ITGB5: variants seen among roughly 807,000 people sequenced by gnomAD.
ITGB5 encodes integrin beta-5.
In ITGB5, 38 loss-of-function variants were observed where a neutral mutation model predicts 84.8. That is an observed-to-expected ratio of 0.45 (90% CI 0.35 to 0.59). The LOEUF (loss-of-function observed/expected upper bound fraction) is 0.59, where lower values mean the gene tolerates loss of function less well. ITGB5 is among the 20% of genes least tolerant of loss of function. ITGB5 has a pLI of 0.01. For synonymous variants in ITGB5, 393 were observed against 414.4 expected (o/e 0.95, Z 0.63); for missense variants, 905 against 1,034.5 (o/e 0.87, Z 1.72).
chr3:124,773,607 T>G, intron 11 of ITGB5, 83 bp downstream of exon 11: 1 of 1,310,826 alleles, frequency 7.6e-7, no homozygotes, highest in Non-Finnish European at 1.1e-6. Context: ...GAGTGGAGGC[T>G]AGCCGGCCCT....
chr3:124,803,962 C>T (rs940873341), intron 9 of ITGB5, among the ~76,000 whole-genome samples: 1 of 152,210 alleles, frequency 6.6e-6, no homozygotes, highest in African/African-American at 2.4e-5. Flanking sequence ...GTCTTCCTCA[C>T]AGGCAATTAG....
intron 10 of ITGB5, chr3:124,791,756 G>A (rs2064153116): frequency 6.6e-6 from 1 of 152,196 alleles, no homozygotes; most frequent in Non-Finnish European, 1.5e-5. Context: ...GAGCAGAGTG[G>A]TGGCTGGGAA....
chr3:124,842,922 A>G (rs943224244), intron 4 of ITGB5, among the ~76,000 whole-genome samples: 6 of 152,142 alleles, frequency 3.9e-5, no homozygotes, highest in African/African-American at 7.2e-5. Context: ...ACAACAGCAC[A>G]GCACAGAGTC....
chr3:124,843,618 T>G (rs911484593), intron 4 of ITGB5, among the ~76,000 whole-genome samples: 2 of 152,154 alleles, frequency 1.3e-5, no homozygotes, highest in African/African-American at 2.4e-5. Flanking sequence ...TCAGAGTCAC[T>G]TAGGAAAAGA....
chr3:124,774,903 A>C (rs895812704), intron 10 of ITGB5, among the ~76,000 whole-genome samples: 1 of 152,136 alleles, frequency 6.6e-6, no homozygotes, highest in East Asian at 1.9e-4. Flanking sequence ...TGTCCTTGTT[A>C]TATAAGGGGT....
chr3:124,764,717 T>C (rs953334343), intron 13 of ITGB5, among the ~76,000 whole-genome samples, 160 bp from the exon 14 acceptor site: 4 of 152,178 alleles, frequency 2.6e-5, no homozygotes, highest in African/African-American at 9.7e-5. Context: ...GTACAAAAAA[T>C]GAAAGATTCA....
At chr3:124,795,013 G>A (rs2064201735) in intron 10 of ITGB5, among the ~76,000 whole-genome samples, 1 of 152,170 alleles carries the variant, frequency 6.6e-6, no homozygotes, top group Admixed American at 6.5e-5. Flanking sequence ...TGTGAAGCAT[G>A]CTTCACAAAT....
intron 5 of ITGB5, among the ~76,000 whole-genome samples, chr3:124,822,957 G>A (rs979395648): frequency 1.3e-5 from 2 of 152,170 alleles, no homozygotes; most frequent in African/African-American, 4.8e-5. Context: ...AAAAAATGAG[G>A]AGGACACTTC....
intron 5 of ITGB5, among the ~76,000 whole-genome samples, chr3:124,826,791 C>T (rs1337438281): frequency 6.6e-6 from 1 of 152,184 alleles, no homozygotes; most frequent in African/African-American, 2.4e-5. Flanking sequence ...ATGGAAATAG[C>T]TCCACAAGTG....
intron 1 of ITGB5, among the ~76,000 whole-genome samples, chr3:124,881,799 C>T (rs2107650818): frequency 6.7e-6 from 1 of 148,526 alleles, no homozygotes; most frequent in South Asian, 2.2e-4. Flanking sequence ...GAAACCCCAT[C>T]TCTACTAAAA....
intron 10 of ITGB5, among the ~76,000 whole-genome samples, chr3:124,775,255 T>A (rs766573429): frequency 2.3e-4 from 35 of 152,068 alleles, no homozygotes; most frequent in Middle Eastern, 6.8e-3. Flanking sequence ...CAAGTGTGTG[T>A]GAGGAAGTAT....
chr3:124,787,655 T>C (rs2064100415), intron 10 of ITGB5: 1 of 152,248 alleles, frequency 6.6e-6, no homozygotes. Context: ...TGACCTTCAA[T>C]GAGAGATTGT....
At chr3:124,807,610 T>C (rs560567937) in intron 9 of ITGB5, among the ~76,000 whole-genome samples, 9 of 152,034 alleles carry the variant, frequency 5.9e-5, no homozygotes, top group African/African-American at 2.2e-4. Context: ...GTCCCTTTAT[T>C]TGGGGGAGCG....
chr3:124,873,207 G>A (rs1052572918), intron 2 of ITGB5, among the ~76,000 whole-genome samples: 1 of 152,178 alleles, frequency 6.6e-6, no homozygotes, highest in Non-Finnish European at 1.5e-5. Context: ...AAAAGGGAAG[G>A]AAAGTCTTGT....
intron 10 of ITGB5, among the ~76,000 whole-genome samples, chr3:124,775,799 A>C (rs1274562342): frequency 6.6e-6 from 1 of 152,172 alleles, no homozygotes; most frequent in Non-Finnish European, 1.5e-5. Flanking sequence ...TATAGGTCAG[A>C]ACTCAACTCC....
At chr3:124,828,721 G>A (rs1396420463) in intron 5 of ITGB5, among the ~76,000 whole-genome samples, 1 of 152,206 alleles carries the variant, frequency 6.6e-6, no homozygotes, top group Non-Finnish European at 1.5e-5. Context: ...CTAGGCTCAA[G>A]CCATCGCAGT....
intron 11 of ITGB5, among the ~76,000 whole-genome samples, chr3:124,770,471 C>A (rs2150929099): frequency 6.6e-6 from 1 of 152,308 alleles, no homozygotes; most frequent in Admixed American, 6.5e-5. Context: ...TGTGCAACTG[C>A]AATGTAGAGC....
intron 3 of ITGB5, among the ~76,000 whole-genome samples, chr3:124,853,518 G>A (rs1037827912): frequency 6.6e-6 from 1 of 152,074 alleles, no homozygotes; most frequent in Non-Finnish European, 1.5e-5. Context: ...CGATACTTCT[G>A]GTTTCCTTTA....
At position 124,766,208 on chromosome 3, in the gene ITGB5, C is replaced by T; in HGVS notation, c.2137+18G>A. The T allele has an allele frequency of 1.2e-6, 2 of 1,611,322 alleles. No homozygotes were observed. The highest frequency in any genetic ancestry group is 1.7e-6 in the Non-Finnish European group (2 of 1,178,864). On this transcript the variant is annotated intron_variant, in intron 13 of 14. Coordinates refer to ENST00000296181, the MANE Select transcript of ITGB5 (RefSeq NM_002213.5). ...GAGGGCTGGCTGAGTGGGCCGAGCC[C>T]TTGCAGCCCTCACCTACCTGGCTCC...
Sources: gnomAD v4.1 joint callset for allele counts (sites outside exome capture counted in the v4.1 genomes callset) on GRCh38, gnomAD v4.1.1 for gene constraint, MANE v1.5 for transcripts, NCBI Gene and HGNC (gene_info 2026-07-23, HGNC 2026-07-21) for gene names.